TAOK3: variants seen among roughly 807,000 people sequenced by gnomAD.
The protein encoded by TAOK3 is serine/threonine-protein kinase TAO3.
Under a neutral mutation model 120.4 loss-of-function variants are expected in TAOK3, and 40 were observed. The ratio of observed to expected loss-of-function variants is 0.33; its 90% CI spans 0.26 to 0.43. The LOEUF (loss-of-function observed/expected upper bound fraction) is 0.43, where lower values mean the gene tolerates loss of function less well. Ranked by LOEUF, TAOK3 falls within the 20% of genes least tolerant of loss-of-function variation. The pLI is 1.00. For missense variants in TAOK3, 821 were observed against 1,112.1 expected, an observed-to-expected ratio of 0.74 and a Z score of 3.72; for synonymous variants, 355 against 387.5, an observed-to-expected ratio of 0.92 and a Z score of 0.99.
chr12:118,261,667 C>A (rs1314754720), intron 2 of TAOK3: 1 of 152,040 alleles, frequency 6.6e-6, no homozygotes, highest in Non-Finnish European at 1.5e-5. Context: ...AAACATTGTG[C>A]CAGATGCTGT....
intron 1 of TAOK3, among the ~76,000 whole-genome samples, chr12:118,332,788 G>A (rs2044205173): frequency 2.6e-5 from 4 of 152,088 alleles, no homozygotes; most frequent in African/African-American, 9.7e-5. Context: ...TTAACCATTT[G>A]AAATCATGTG....
chr12:118,287,254 G>A (rs1332326462), intron 1 of TAOK3, among the ~76,000 whole-genome samples: 1 of 152,080 alleles, frequency 6.6e-6, no homozygotes, highest in Non-Finnish European at 1.5e-5. Context: ...AAGAACCTAA[G>A]TTGAATTCCT....
intron 2 of TAOK3, among the ~76,000 whole-genome samples, chr12:118,266,179 C>T (rs927663997): frequency 2.0e-5 from 3 of 151,852 alleles, no homozygotes; most frequent in Non-Finnish European, 2.9e-5. Flanking sequence ...TAAATAGAAA[C>T]TCAAAGATTT....
intron 14 of TAOK3, among the ~76,000 whole-genome samples, chr12:118,186,566 CT>C (rs954662852): frequency 2.6e-5 from 4 of 152,138 alleles, no homozygotes; most frequent in African/African-American, 9.7e-5. Context: ...ATTAGTGATT[CT>C]GCAGAACTAT....
intron 1 of TAOK3, among the ~76,000 whole-genome samples, chr12:118,307,577 A>G (rs2043097508): frequency 6.6e-6 from 1 of 152,182 alleles, no homozygotes; most frequent in African/African-American, 2.4e-5. Flanking sequence ...CTGTGTATGT[A>G]TAAGTGTTTT....
chr12:118,203,849 C>A (rs529975472), intron 11 of TAOK3, among the ~76,000 whole-genome samples: 1 of 152,152 alleles, frequency 6.6e-6, no homozygotes, highest in Non-Finnish European at 1.5e-5. Context: ...GACTAACAGA[C>A]CTATCAACCA....
Position 118,209,349 on chromosome 12 carries a change from G to T in TAOK3, c.819+3565C>A, listed in dbSNP as rs1018336270. Among the ~76,000 whole-genome samples, 3 of 152,198 alleles carry T rather than the reference G, an allele frequency of 2.0e-5. No individual in the cohort carries two copies. In the South Asian group the frequency reaches 6.2e-4, roughly 31 times the overall value. On this transcript the variant is annotated intron_variant, in intron 11 of 20. Transcript: ENST00000392533. ...GAAGGAGAGGTACAAAATAGGTGCA[G>T]TGGTTGCTAGTGAGGGGGCCTGAAA...
chr12:118,312,262 G>A (rs886605300), intron 1 of TAOK3, among the ~76,000 whole-genome samples: 3 of 151,860 alleles, frequency 2.0e-5, no homozygotes, highest in Non-Finnish European at 4.4e-5. Context: ...GCTTTATTAA[G>A]CTACTAAATT....
intron 1 of TAOK3, among the ~76,000 whole-genome samples, chr12:118,290,008 GAGAA>G (rs2042414416): frequency 6.7e-6 from 1 of 149,226 alleles, no homozygotes; most frequent in Non-Finnish European, 1.5e-5. Context: ...AAAAAAAAAA[GAGAA>G]AGAAATAGAA....
intron 17 of TAOK3, among the ~76,000 whole-genome samples, chr12:118,166,067 T>C (rs2035560202): frequency 6.6e-6 from 1 of 152,092 alleles, no homozygotes; most frequent in Non-Finnish European, 1.5e-5. Context: ...TCCATACATC[T>C]CATTCAATCC....
intron 17 of TAOK3, among the ~76,000 whole-genome samples, chr12:118,168,232 G>A (rs1293178375): frequency 2.0e-5 from 3 of 152,152 alleles, no homozygotes; most frequent in Admixed American, 1.3e-4. Flanking sequence ...TATGCAAGAC[G>A]AATAATTACT....
intron 17 of TAOK3, among the ~76,000 whole-genome samples, chr12:118,164,880 A>G (rs1463611978): frequency 6.6e-6 from 1 of 152,174 alleles, no homozygotes; most frequent in East Asian, 1.9e-4. Flanking sequence ...TATTGATTGA[A>G]GAGAAATCCT....
intron 5 of TAOK3, among the ~76,000 whole-genome samples, chr12:118,241,479 T>A (rs1388690926): frequency 1.3e-5 from 2 of 152,236 alleles, no homozygotes; most frequent in Non-Finnish European, 2.9e-5. Context: ...CTGAATAGAA[T>A]GAATATGTTT....
intron 9 of TAOK3, among the ~76,000 whole-genome samples, chr12:118,221,309 C>T (rs574018011): frequency 3.2e-4 from 48 of 152,220 alleles, no homozygotes; most frequent in South Asian, 1.7e-3. Flanking sequence ...CTGTAACCTC[C>T]GCCTCCCAGG....
chr12:118,338,468 A>T (rs2044456675), intron 1 of TAOK3, among the ~76,000 whole-genome samples: 1 of 152,166 alleles, frequency 6.6e-6, no homozygotes. Context: ...AATGGTTACA[A>T]TACAGTACAA....
chr12:118,255,680 T>A, intron 2 of TAOK3, 25 bp from the exon 3 acceptor site: 1 of 1,160,990 alleles, frequency 8.6e-7, no homozygotes, highest in Non-Finnish European at 1.2e-6. Context: ...GGTTTGCCAT[T>A]AAATTATTTC....
At chr12:118,342,715 C>T (rs1374881021) in intron 1 of TAOK3, among the ~76,000 whole-genome samples, 1 of 152,106 alleles carries the variant, frequency 6.6e-6, no homozygotes, top group Non-Finnish European at 1.5e-5. Flanking sequence ...AAGCAGATTG[C>T]TTGAGCTCAG....
intron 1 of TAOK3, among the ~76,000 whole-genome samples, chr12:118,320,084 A>G (rs532472255): frequency 6.6e-6 from 1 of 152,330 alleles, no homozygotes; most frequent in African/African-American, 2.4e-5. Flanking sequence ...AAGTGAAAAA[A>G]GCCAGACAAA....
At chr12:118,197,491 T>TG (rs2037785843) in intron 13 of TAOK3, among the ~76,000 whole-genome samples, 1 of 152,106 alleles carries the variant, frequency 6.6e-6, no homozygotes, top group African/African-American at 2.4e-5. Flanking sequence ...TCTTTCTTGT[T>TG]GATTATGCCA....
Sources: gnomAD v4.1 joint callset for allele counts (sites outside exome capture counted in the v4.1 genomes callset) on GRCh38, gnomAD v4.1.1 for gene constraint, MANE v1.5 for transcripts, NCBI Gene and HGNC (gene_info 2026-07-23, HGNC 2026-07-21) for gene names.